The following FGF12 variants were observed in gnomAD, a reference collection of about 807,000 sequenced individuals.
FGF12 encodes the protein fibroblast growth factor 12, also known as fibroblast growth factor 12B.
In FGF12, 14 loss-of-function variants were observed where a neutral mutation model predicts 23.6. The observed-to-expected ratio is 0.59, with a 90% CI of 0.39 to 0.93. The LOEUF (loss-of-function observed/expected upper bound fraction) is 0.93, where lower values mean the gene tolerates loss of function less well. FGF12 is among the 40% of genes least tolerant of loss of function. The probability of loss-of-function intolerance (pLI) is 0.00; values close to 1 mark genes in which losing one functional copy is unlikely to be tolerated. For synonymous variants in FGF12, 62 were observed against 77.3 expected, an observed-to-expected ratio of 0.80 and a Z score of 1.04; for missense variants, 175 against 217.8, an observed-to-expected ratio of 0.80 and a Z score of 1.24.
At chr3:192,339,026 TA>T (rs1285491633) in intron 3 of FGF12, among the ~76,000 whole-genome samples, 1 of 152,148 alleles carries the variant, frequency 6.6e-6, no homozygotes, top group Non-Finnish European at 1.5e-5. Context: ...CTGATAATGC[TA>T]GGCAGGGACA....
chr3:192,301,858 AAGG>A (rs945219519), intron 4 of FGF12, among the ~76,000 whole-genome samples: 5 of 152,152 alleles, frequency 3.3e-5, no homozygotes, highest in Non-Finnish European at 5.9e-5. Context: ...GGAAAGAAAC[AAGG>A]AGGAGGAGGC....
rs151203452 is a variant in FGF12, at chr3:192,308,505, C to T, written c.228+26856G>A. Among the ~76,000 whole-genome samples, 189 of 152,060 alleles carry T rather than the reference C, an allele frequency of 1.2e-3. 1 individual carries two copies. Among genetic ancestry groups the T allele is most frequent in the African/African-American group, 4.3e-3 (178 of 41,474 alleles). ...CCAGCCTGACCAACATGGAGAAACC[C>T]CATCTCTACTAAAAATACAAAAAAA... On this transcript the variant is annotated intron_variant, in intron 4 of 5. Coordinates refer to ENST00000445105, the MANE Select transcript of FGF12 (RefSeq NM_004113.6).
chr3:192,390,547 G>T (rs1164404958), intron 2 of FGF12, among the ~76,000 whole-genome samples: 2 of 152,184 alleles, frequency 1.3e-5, no homozygotes, highest in Non-Finnish European at 2.9e-5. Flanking sequence ...CAACATTTCA[G>T]GTTGGAACAA....
At chr3:192,164,318 A>C (rs1010741997) in intron 5 of FGF12, among the ~76,000 whole-genome samples, 2 of 152,184 alleles carry the variant, frequency 1.3e-5, no homozygotes, top group African/African-American at 4.8e-5. Context: ...GAGGGGACCC[A>C]TGTAAGTAGA....
At chr3:192,659,254 T>G (rs1022719846) in intron 2 of FGF12, among the ~76,000 whole-genome samples, 2 of 152,180 alleles carry the variant, frequency 1.3e-5, no homozygotes, top group African/African-American at 4.8e-5. Flanking sequence ...TCTCCCTACA[T>G]CCCATTAAAA....
chr3:192,244,209 T>C (rs766410204), intron 4 of FGF12, among the ~76,000 whole-genome samples: 3 of 152,104 alleles, frequency 2.0e-5, no homozygotes, highest in Non-Finnish European at 2.9e-5. Context: ...TTTTAGAAAT[T>C]TACTCTGCAG....
At chr3:192,571,668 C>G (rs1023251975) in intron 2 of FGF12, among the ~76,000 whole-genome samples, 1 of 152,208 alleles carries the variant, frequency 6.6e-6, no homozygotes, top group African/African-American at 2.4e-5. Context: ...GTTGCTCCCC[C>G]AGGGCAGGGC....
rs770781442 is a variant in FGF12, at chr3:192,714,513, A to ATTTTTTT, written c.13+12661_13+12667dup. ...CTTATTTATAGATCTTAAGGAAATA[A>ATTTTTTT]TTTTTTTTTTTTTTTTTTTTTTTGA... On this transcript the variant is annotated intron_variant, in intron 2 of 5. Coordinates refer to ENST00000445105, the MANE Select transcript of FGF12 (RefSeq NM_004113.6). Among the ~76,000 whole-genome samples, 55 of 99,748 alleles carry ATTTTTTT rather than the reference A, an allele frequency of 5.5e-4. 1 individual carries two copies. Among genetic ancestry groups the ATTTTTTT allele is most frequent in the African/African-American group, 1.6e-3 (37 of 23,680 alleles). 65.4% of individuals were successfully genotyped at this position (99,748 alleles called of 152,430 possible).
chr3:192,484,207 G>C (rs1723563181), intron 2 of FGF12, among the ~76,000 whole-genome samples: 1 of 150,488 alleles, frequency 6.6e-6, no homozygotes, highest in African/African-American at 2.4e-5. Flanking sequence ...TTTTCTGAGA[G>C]AGTACTCTCT....
rs1260858126 is a variant in FGF12, at chr3:192,140,861, A to C, written c.*3148T>G. On this transcript the variant is annotated 3_prime_UTR_variant, in exon 6 of 6. Transcript: ENST00000445105. The stretch of plus-strand genomic sequence containing the variant: ...GCTGCCCTCCAATTTGCGGAAGCAC[A>C]AAAGTCTCTGAATTAGCAAATGGAA... 6.6e-6 allele frequency: 1 copy of C among 151,294 alleles called. No homozygotes were observed. Among genetic ancestry groups the C allele is most frequent in the Non-Finnish European group, 1.5e-5 (1 of 67,420 alleles). 9.4% of individuals were successfully genotyped at this position (151,294 alleles called of 1,614,324 possible).
rs1208581712 is a variant in FGF12 at position 192,656,807 on chromosome 3, C to T, written c.13+70374G>A. Among the ~76,000 whole-genome samples, 5 of 152,124 alleles carry T rather than the reference C, an allele frequency of 3.3e-5. No homozygotes were observed. In the South Asian group the frequency reaches 6.2e-4, roughly 19 times the overall value. ...AAAATGTAATGTGTGGTCTGTAATC[C>T]TTGACGCGACCTGGCTTCCAATGTA... On this transcript the variant is annotated intron_variant, in intron 2 of 5. Transcript: ENST00000445105.
At chr3:192,697,183 T>C (rs1453011927) in intron 2 of FGF12, among the ~76,000 whole-genome samples, 2 of 152,048 alleles carry the variant, frequency 1.3e-5, no homozygotes, top group Non-Finnish European at 2.9e-5. Flanking sequence ...ATGCAATGAT[T>C]CCCCAAAGGT....
At chr3:192,340,636 C>A (rs1717647056) in intron 3 of FGF12, among the ~76,000 whole-genome samples, 1 of 152,032 alleles carries the variant, frequency 6.6e-6, no homozygotes, top group Admixed American at 6.6e-5. Context: ...GGAGCTGGTA[C>A]TCTTGGCTTC....
intron 2 of FGF12, among the ~76,000 whole-genome samples, chr3:192,576,148 C>T (rs1371969764): frequency 6.6e-6 from 1 of 152,130 alleles, no homozygotes; most frequent in East Asian, 1.9e-4. Context: ...ATTTATGCAG[C>T]CCTTTTTTTT....
chr3:192,701,696 T>C (rs773948096), intron 2 of FGF12, among the ~76,000 whole-genome samples: 16 of 152,178 alleles, frequency 1.1e-4, no homozygotes, highest in Non-Finnish European at 2.2e-4. Flanking sequence ...ACACATCTTT[T>C]ATGAAAATAA....
intron 4 of FGF12, among the ~76,000 whole-genome samples, chr3:192,246,888 AG>A (rs1485761934): frequency 6.7e-6 from 1 of 149,572 alleles, no homozygotes; most frequent in Middle Eastern, 3.2e-3. Flanking sequence ...AGAGAGAAAG[AG>A]AGAGGAAGAA....
chr3:192,344,071 C>T (rs530251640), intron 3 of FGF12, among the ~76,000 whole-genome samples: 48 of 152,202 alleles, frequency 3.2e-4, no homozygotes, highest in East Asian at 5.8e-4. Flanking sequence ...TAAATAACTC[C>T]CACATGCGTA....
At chr3:192,383,216 T>G (rs1719900648) in intron 2 of FGF12, among the ~76,000 whole-genome samples, 1 of 152,222 alleles carries the variant, frequency 6.6e-6, no homozygotes, top group Non-Finnish European at 1.5e-5. Flanking sequence ...GTTTATACTT[T>G]TCTGAGCTAA....
chr3:192,230,106 C>T (rs140218965), intron 4 of FGF12, among the ~76,000 whole-genome samples: 173 of 152,214 alleles, frequency 1.1e-3, no homozygotes, highest in Admixed American at 2.1e-3. Context: ...GACCCCATTC[C>T]ACACTTACTG....
Sources: gnomAD v4.1 joint callset for allele counts (sites outside exome capture counted in the v4.1 genomes callset) on GRCh38, gnomAD v4.1.1 for gene constraint, MANE v1.5 for transcripts, NCBI Gene and HGNC (gene_info 2026-07-23, HGNC 2026-07-21) for gene names.